The following ANK2 variants were observed in gnomAD, a reference collection of about 807,000 sequenced individuals.
ANK2 encodes ankyrin-2.
Under a neutral mutation model 360.5 loss-of-function variants are expected in ANK2, and 83 were observed. That is an observed-to-expected ratio of 0.23 (90% confidence interval 0.19 to 0.28). ANK2 has a LOEUF of 0.28. Among genes scored for constraint, ANK2 ranks in the 10% least tolerant of loss-of-function variants. ANK2 has a pLI of 1.00. For synonymous variants in ANK2, 1,740 were observed against 1,759.5 expected (o/e 0.99, Z 0.28); for missense variants, 4,201 against 4,795.7 (o/e 0.88, Z 3.66).
intron 2 of ANK2, among the ~76,000 whole-genome samples, chr4:112,926,328 G>T (rs192922450): frequency 1.2e-3 from 179 of 152,160 alleles, no homozygotes; most frequent in African/African-American, 4.1e-3. Context: ...TTTAAAATTG[G>T]TAAAATATTT....
intron 2 of ANK2, among the ~76,000 whole-genome samples, chr4:112,992,700 G>A (rs1033189516): frequency 6.6e-6 from 1 of 152,206 alleles, no homozygotes; most frequent in South Asian, 2.1e-4. Context: ...GTAAGGGCAC[G>A]AATCTCATCA....
chr4:113,358,978 AG>A lies in ANK2; in HGVS notation c.10367del (p.Gly3456AlafsTer20), dbSNP rs750143580. On this transcript the variant is annotated frameshift_variant, in exon 38 of 46. Coordinates refer to ENST00000357077, the MANE Select transcript of ANK2 (RefSeq NM_001148.6). LOFTEE classifies it high-confidence loss of function. Reference protein sequence around the residue: ...VKSRSTTSSCRGGTSPTKESK... With the variant: ...VKSRSTTSSCXGGTSPTKESK... ...GAGCAGAAGCACTACATCTTCCTGC[AG>A]GGGGGGCACGAGCCCCACAAAAGAA... The A allele has an allele frequency of 6.2e-7, 1 of 1,614,030 alleles. No homozygotes were observed. The highest frequency in any genetic ancestry group is 8.5e-7 in the Non-Finnish European group (1 of 1,179,958).
At chr4:112,749,979 C>A in the ANK2 span, among the ~76,000 whole-genome samples, 1 of 152,096 alleles carries the variant, frequency 6.6e-6, no homozygotes, top group African/African-American at 2.4e-5. Flanking sequence ...CTCCTGACCC[C>A]GTGATCCGCC....
At chr4:113,148,072 C>T (rs2096901629) in intron 1 of ANK2, among the ~76,000 whole-genome samples, 1 of 152,174 alleles carries the variant, frequency 6.6e-6, no homozygotes, top group Admixed American at 6.5e-5. Context: ...CCTAGGGTAG[C>T]TCTGACACAA....
chr4:113,097,281 T>C (rs1311645493), intron 1 of ANK2, among the ~76,000 whole-genome samples: 1 of 151,848 alleles, frequency 6.6e-6, no homozygotes, highest in African/African-American at 2.4e-5. Context: ...TCTTTTTTTC[T>C]GATAGATCTC....
chr4:113,007,225 G>T (rs1014880703), intron 2 of ANK2, among the ~76,000 whole-genome samples: 1 of 152,180 alleles, frequency 6.6e-6, no homozygotes, highest in Non-Finnish European at 1.5e-5. Flanking sequence ...TTGTGCAGCG[G>T]TTAGTATAAA....
At chr4:113,230,080 G>T (rs953594422) in intron 4 of ANK2, among the ~76,000 whole-genome samples, 1 of 152,022 alleles carries the variant, frequency 6.6e-6, no homozygotes, top group Non-Finnish European at 1.5e-5. Flanking sequence ...AAATACACAA[G>T]ATTTCGCCTG....
the ANK2 span, chr4:112,788,919 T>G: frequency 3.1e-6 from 2 of 637,342 alleles, no homozygotes; most frequent in Non-Finnish European, 5.5e-6. Flanking sequence ...ATTATTAATA[T>G]TATATACTTC....
At chr4:113,329,027 C>A (rs559511839) in intron 26 of ANK2, among the ~76,000 whole-genome samples, 7 of 152,252 alleles carry the variant, frequency 4.6e-5, no homozygotes, top group Non-Finnish European at 8.8e-5. Flanking sequence ...ACATGATACA[C>A]CTGTATGTTG....
chr4:112,760,474 C>A, the ANK2 span, among the ~76,000 whole-genome samples: 1 of 151,686 alleles, frequency 6.6e-6, no homozygotes, highest in Non-Finnish European at 1.5e-5. Context: ...GGCGTGAGCC[C>A]CCGTGCCCAG....
At chr4:113,310,482 T>C (rs1439887180) in intron 23 of ANK2, among the ~76,000 whole-genome samples, 1 of 152,034 alleles carries the variant, frequency 6.6e-6, no homozygotes, top group East Asian at 1.9e-4. Flanking sequence ...AGTGGTGCAA[T>C]CTCGGCTCAC....
At chr4:112,913,926 GTC>G (rs371087867) in intron 2 of ANK2, among the ~76,000 whole-genome samples, 93 of 152,124 alleles carry the variant, frequency 6.1e-4, no homozygotes, top group African/African-American at 2.2e-3. Context: ...TATTCATCCT[GTC>G]TTTTTTTTGA....
intron 9 of ANK2, among the ~76,000 whole-genome samples, chr4:113,247,175 C>A (rs111601911): frequency 0.024 from 3,363 of 142,752 alleles, 137 homozygotes; most frequent in African/African-American, 0.082. Flanking sequence ...AAAAAAAAAA[C>A]AACAACAGAG....
chr4:112,763,064 A>T, the ANK2 span, among the ~76,000 whole-genome samples: 4 of 152,210 alleles, frequency 2.6e-5, no homozygotes, highest in East Asian at 7.7e-4. Flanking sequence ...TAACTCCTAG[A>T]AGCATTGTTG....
intron 2 of ANK2, among the ~76,000 whole-genome samples, chr4:113,001,811 T>A (rs747023356): frequency 2.0e-5 from 3 of 152,118 alleles, no homozygotes; most frequent in African/African-American, 4.8e-5. Flanking sequence ...AGATAAACCA[T>A]CACAAAATGA....
intron 1 of ANK2, among the ~76,000 whole-genome samples, chr4:113,104,436 G>A (rs1433455529): frequency 6.6e-6 from 1 of 152,182 alleles, no homozygotes; most frequent in African/African-American, 2.4e-5. Flanking sequence ...TGGGAGGGCT[G>A]GGCACAGTGG....
At chr4:112,983,695 G>A (rs1425717765) in intron 2 of ANK2, among the ~76,000 whole-genome samples, 2 of 151,788 alleles carry the variant, frequency 1.3e-5, no homozygotes, top group African/African-American at 2.4e-5. Context: ...AAAAGTGCTA[G>A]ACAAAAAGAA....
intron 1 of ANK2, among the ~76,000 whole-genome samples, chr4:112,875,867 A>T (rs1488516607): frequency 1.3e-5 from 2 of 151,468 alleles, no homozygotes; most frequent in East Asian, 1.9e-4. Context: ...TCAGCCTCCC[A>T]AGTAGCTGAG....
At chr4:113,002,184 C>G (rs1238053973) in intron 2 of ANK2, among the ~76,000 whole-genome samples, 1 of 152,070 alleles carries the variant, frequency 6.6e-6, no homozygotes. Flanking sequence ...ACTAGAAGTA[C>G]CATTTGACCC....
Sources: allele counts gnomAD v4.1 joint callset (sites outside exome capture counted in the v4.1 genomes callset), GRCh38; gene constraint gnomAD v4.1.1; transcripts MANE v1.5; gene names NCBI Gene and HGNC (gene_info 2026-07-23, HGNC 2026-07-21).